Variants in CLASP2 observed in about 807,000 individuals in gnomAD.
CLASP2 encodes the protein CLIP-associating protein 2.
A neutral mutation model predicts 194.4 loss-of-function variants in CLASP2; 47 were observed. The observed-to-expected ratio is 0.24, with a 90% confidence interval of 0.19 to 0.31. The LOEUF (loss-of-function observed/expected upper bound fraction) is 0.31, where lower values mean the gene tolerates loss of function less well. Ranked by LOEUF, CLASP2 falls within the 10% of genes least tolerant of loss-of-function variation. The pLI is 1.00. For synonymous variants in CLASP2, 619 were observed against 633.5 expected (o/e 0.98, Z 0.34); for missense variants, 1,445 against 1,823.6 (o/e 0.79, Z 3.78).
intron 13 of CLASP2, among the ~76,000 whole-genome samples, chr3:33,610,084 T>C (rs2074814235): frequency 6.6e-6 from 1 of 152,190 alleles, no homozygotes; most frequent in Non-Finnish European, 1.5e-5. Flanking sequence ...CAATCAATTA[T>C]CAACACAGTT....
In CLASP2 at chr3:33,510,719, T is replaced by A. The variant is rs377235240; in HGVS notation, c.4156A>T (p.Ile1386Phe). The change falls in exon 37 of 39, where the codon ATT (isoleucine) becomes TTT (phenylalanine). Residue 1386 changes from isoleucine to phenylalanine, a missense_variant. Around this residue, in one of 4 missense-constraint regions of CLASP2, gnomAD observed 732 missense variants for 987.9 expected, o/e 0.74. Transcript: ENST00000682230. ...ACTTTGATGCACTGCTCTGGACTAATTGAAGTGGCCAACACTGATGCCGCT... is the reference window on the plus strand; with the variant it reads ...ACTTTGATGCACTGCTCTGGACTAAATGAAGTGGCCAACACTGATGCCGCT... ...EEAASVLATS[I>F]SPEQCIKVLC... 3.1e-6 allele frequency: 5 copies of A among 1,613,204 alleles called. No individual in the cohort carries two copies. The highest frequency in any genetic ancestry group is 8.5e-7 in the Non-Finnish European group (1 of 1,179,620).
chr3:33,692,592 C>T (rs1054996999), intron 2 of CLASP2, among the ~76,000 whole-genome samples: 1 of 152,116 alleles, frequency 6.6e-6, no homozygotes, highest in Non-Finnish European at 1.5e-5. Context: ...AGAAAATTCC[C>T]TGAACTTCAA....
intron 34 of CLASP2, among the ~76,000 whole-genome samples, chr3:33,528,608 A>G (rs2154122786): frequency 6.6e-6 from 1 of 152,190 alleles, no homozygotes; most frequent in African/African-American, 2.4e-5. Context: ...CTAAAAATAC[A>G]AAAATCAGCC....
At chr3:33,607,909 C>T (rs2074250865) in intron 14 of CLASP2, among the ~76,000 whole-genome samples, 1 of 152,042 alleles carries the variant, frequency 6.6e-6, no homozygotes, top group Non-Finnish European at 1.5e-5. Flanking sequence ...TATATTATGC[C>T]TACATTAAAA....
At chr3:33,694,328 C>T (rs528992717) in intron 2 of CLASP2, among the ~76,000 whole-genome samples, 62 of 152,292 alleles carry the variant, frequency 4.1e-4, no homozygotes, top group African/African-American at 1.3e-3. Flanking sequence ...TTCCAATATT[C>T]CCATTGCCTC....
intron 6 of CLASP2, among the ~76,000 whole-genome samples, chr3:33,682,090 C>T (rs1348391387): frequency 6.6e-6 from 1 of 152,106 alleles, no homozygotes; most frequent in Non-Finnish European, 1.5e-5. Context: ...CTTGTATAGC[C>T]CCTGAATCAT....
intron 6 of CLASP2, chr3:33,683,379 G>C: frequency 6.6e-6 from 1 of 152,208 alleles, no homozygotes; most frequent in East Asian, 1.9e-4. Flanking sequence ...AGACTGAGGC[G>C]GGAGGACTGC....
intron 21 of CLASP2, chr3:33,592,098 G>T: frequency 4.7e-6 from 3 of 638,318 alleles, no homozygotes; most frequent in Non-Finnish European, 8.5e-6. Flanking sequence ...GTTTTTCTTT[G>T]TAAGTGGCAG....
At chr3:33,691,874 T>A (rs6773991) in intron 2 of CLASP2, among the ~76,000 whole-genome samples, 45,548 of 152,062 alleles carry the variant, frequency 0.3, 7,090 homozygotes, top group Admixed American at 0.39. Context: ...ACCAGGTTTT[T>A]AATAATTTAT....
At chr3:33,627,822 A>G (rs1022514919) in intron 9 of CLASP2, among the ~76,000 whole-genome samples, 1 of 152,198 alleles carries the variant, frequency 6.6e-6, no homozygotes, top group East Asian at 1.9e-4. Context: ...GCTGAGAGCT[A>G]AAGAATGTGT....
intron 21 of CLASP2, among the ~76,000 whole-genome samples, chr3:33,589,913 C>T (rs2068322014): frequency 6.6e-6 from 1 of 152,134 alleles, no homozygotes; most frequent in Middle Eastern, 3.4e-3. Flanking sequence ...AGACAATGGA[C>T]ATGGAAATTC....
chr3:33,638,793 T>C (rs2080721676), intron 8 of CLASP2, among the ~76,000 whole-genome samples: 2 of 152,230 alleles, frequency 1.3e-5, no homozygotes, highest in African/African-American at 4.8e-5. Flanking sequence ...CTACTTCATA[T>C]GGATCAACTA....
intron 34 of CLASP2, among the ~76,000 whole-genome samples, chr3:33,526,402 A>ATTT: frequency 6.6e-6 from 1 of 152,338 alleles, no homozygotes; most frequent in Admixed American, 6.5e-5. Context: ...ACATAATGGA[A>ATTT]AAGGGTTCAA....
At chr3:33,570,846 A>C (rs1025805663) in intron 25 of CLASP2, 56 bp from the exon 26 acceptor site, 18 of 1,402,868 alleles carry the variant, frequency 1.3e-5, no homozygotes, top group African/African-American at 1.5e-5. Flanking sequence ...AAGTCATGTA[A>C]AAGTAACTTT....
intron 33 of CLASP2, among the ~76,000 whole-genome samples, chr3:33,536,605 A>C (rs2057388253): frequency 6.6e-6 from 1 of 152,144 alleles, no homozygotes. Flanking sequence ...CCTATTGTAT[A>C]GACTTTGGTT....
At chr3:33,525,969 G>A (rs1428265728) in intron 34 of CLASP2, among the ~76,000 whole-genome samples, 2 of 152,208 alleles carry the variant, frequency 1.3e-5, no homozygotes, top group Non-Finnish European at 2.9e-5. Context: ...GGGTGACTTG[G>A]CTGATCCAGT....
intron 1 of CLASP2, among the ~76,000 whole-genome samples, chr3:33,716,898 T>C (rs2093324013): frequency 6.6e-6 from 1 of 152,240 alleles, no homozygotes; most frequent in African/African-American, 2.4e-5. Flanking sequence ...ATCATGAGAA[T>C]ATGTTACTAA....
rs567616958 is a variant in CLASP2 at position 33,620,856 on chromosome 3, CT to C, written c.1182-1119del. On this transcript the variant is annotated intron_variant, in intron 11 of 38. Coordinates refer to ENST00000682230, the MANE Select transcript of CLASP2 (RefSeq NM_001365631.1). ...GTCAGATCTTAAACCTCTCCTACCC[CT>C]ATATGAGCTCTGGGAATTGTTTATC... is the stretch of plus-strand genomic sequence containing the variant. 1.4e-4 allele frequency among the ~76,000 whole-genome samples: 22 copies of C among 152,248 alleles called. 1 individual carries two copies. In the East Asian group the frequency reaches 4.2e-3, roughly 29 times the overall value.
intron 15 of CLASP2, among the ~76,000 whole-genome samples, chr3:33,606,986 T>C (rs544628427): frequency 2.0e-5 from 3 of 152,242 alleles, no homozygotes; most frequent in African/African-American, 7.2e-5. Flanking sequence ...ATAGTTTGTG[T>C]GGCCTTGGGT....
Sources: gnomAD v4.1 joint callset for allele counts (sites outside exome capture counted in the v4.1 genomes callset) on GRCh38, gnomAD v4.1.1 for gene constraint, gnomAD v4.1.1 regional missense constraint, MANE v1.5 for transcripts, NCBI Gene and HGNC (gene_info 2026-07-23, HGNC 2026-07-21) for gene names.